The following TRH variants were observed in gnomAD, a reference collection of about 807,000 sequenced individuals.
The protein encoded by TRH is thyrotropin releasing hormone.
TRH carries 5 observed loss-of-function variants against 5.2 expected under a neutral mutation model. The ratio of observed to expected loss-of-function variants is 0.95; its 90% CI spans 0.50 to 2.00. The LOEUF (loss-of-function observed/expected upper bound fraction) is 2.00, where lower values mean the gene tolerates loss of function less well. Among genes scored for constraint, TRH ranks in the 30% most tolerant of loss-of-function variants. The pLI is 0.01. For missense variants in TRH, 318 were observed against 312.8 expected, an observed-to-expected ratio of 1.02 and a Z score of -0.13; for synonymous variants, 131 against 128.6, an observed-to-expected ratio of 1.02 and a Z score of -0.13.
chr3:129,976,013 A>C lies in TRH; in HGVS notation c.197A>C (p.Gln66Pro), dbSNP rs749920654. Residue 66 changes from glutamine to proline, a missense_variant, in exon 2 of 3, where the codon CAG becomes CCG. Coordinates refer to ENST00000302649, the MANE Select transcript of TRH (RefSeq NM_007117.5). ...RENIQRLQGD[Q>P]GEHSASQIFQ... ...AACATCCAGCGGCTGCAAGGGGACC[A>C]GGGTGAGCACTCCGGTGAGTGGATG... 1 of 1,614,054 alleles carries C rather than the reference A, an allele frequency of 6.2e-7. No homozygotes were observed. Among genetic ancestry groups the C allele is most frequent in the South Asian group, 1.1e-5 (1 of 91,068 alleles).
chr3:129,975,149 C>G (rs1043697282), intron 1 of TRH, among the ~76,000 whole-genome samples: 2 of 152,130 alleles, frequency 1.3e-5, no homozygotes, highest in Admixed American at 6.5e-5. Flanking sequence ...GCCTGAGAAC[C>G]TGGGAGTTCG....
At chr3:129,976,102 AG>A (rs1170838713) in intron 2 of TRH, 75 bp downstream of exon 2, 15 of 1,516,494 alleles carry the variant, frequency 9.9e-6, no homozygotes, top group Non-Finnish European at 1.3e-5. Flanking sequence ...GGCAAAGGGG[AG>A]GGGAGGCTTG....
At position 129,977,479 on chromosome 3, in the gene TRH, C is replaced by T. The variant is rs923070897; in HGVS notation, c.*263C>T. ...AGGGGGCAGATCCCAGAGCCCCTCTCACCCCCCCCACCACAGGCCTGCTCC... is the reference window on the plus strand; with the variant it reads ...AGGGGGCAGATCCCAGAGCCCCTCTTACCCCCCCCACCACAGGCCTGCTCC... On this transcript the variant is annotated 3_prime_UTR_variant, in exon 3 of 3. Transcript: ENST00000302649. The T allele has an allele frequency of 1.8e-5, 6 of 342,686 alleles. No homozygotes were observed. Among genetic ancestry groups the T allele is most frequent in the African/African-American group, 8.4e-5 (4 of 47,808 alleles). The allele number at this position is 342,686 out of a possible 1,614,324, so 21.2% of individuals were successfully genotyped here. A position where few individuals can be genotyped will look rare whatever the true frequency, so the allele number is the denominator to read the frequency against.
intron 1 of TRH, among the ~76,000 whole-genome samples, chr3:129,975,523 C>T (rs2062537447): frequency 6.6e-6 from 1 of 152,132 alleles, no homozygotes; most frequent in African/African-American, 2.4e-5. Flanking sequence ...TGAAGGGTGG[C>T]GGTGGCGCTG....
intron 1 of TRH, 33 bp from the exon 2 acceptor site, chr3:129,975,776 G>C (rs753691969): frequency 6.4e-7 from 1 of 1,550,700 alleles, no homozygotes; most frequent in African/African-American, 1.4e-5. Context: ...CTGTGATTCG[G>C]TGCGCTCAGG....
chr3:129,975,092 C>T (rs557938273), intron 1 of TRH, among the ~76,000 whole-genome samples: 22 of 152,234 alleles, frequency 1.4e-4, no homozygotes, highest in African/African-American at 5.3e-4. Flanking sequence ...CTCCGCGGCA[C>T]CCCCTGCCTG....
rs1400157654 is a variant in TRH at position 129,977,343 on chromosome 3, C to T, written c.*127C>T. Reference sequence around the variant, plus strand: ...ATAAGCCTGAGCCCCTCCCTCCCAGCCCCATATTCACACACATCCCAGCCC... The same window carrying T: ...ATAAGCCTGAGCCCCTCCCTCCCAGTCCCATATTCACACACATCCCAGCCC... On this transcript the variant is annotated 3_prime_UTR_variant, in exon 3 of 3. Coordinates refer to ENST00000302649, the MANE Select transcript of TRH (RefSeq NM_007117.5). 5 of 1,247,158 alleles carry T rather than the reference C, an allele frequency of 4.0e-6. No homozygotes were observed. The highest frequency in any genetic ancestry group is 4.2e-6 in the Non-Finnish European group (4 of 955,684). The allele number at this position is 1,247,158 out of a possible 1,614,324, so 77.3% of individuals were successfully genotyped here. A position where few individuals can be genotyped will look rare whatever the true frequency, so the allele number is the denominator to read the frequency against.
chr3:129,977,533 C>G lies in TRH; in HGVS notation c.*317C>G. 4.4e-6 allele frequency: 1 copy of G among 226,050 alleles called. No individual in the cohort carries two copies. The highest frequency in any genetic ancestry group is 8.6e-6 in the Non-Finnish European group (1 of 115,634). 14.0% of individuals were successfully genotyped at this position (226,050 alleles called of 1,614,324 possible). A position where few individuals can be genotyped will look rare whatever the true frequency, so the allele number is the denominator to read the frequency against. ...CTTAGCCTTGGCTAAGATGGTCCTTCTGTGTCTTGCAAAGACTCCCCAAGT... is the reference window on the plus strand; with the variant it reads ...CTTAGCCTTGGCTAAGATGGTCCTTGTGTGTCTTGCAAAGACTCCCCAAGT... On this transcript the variant is annotated 3_prime_UTR_variant, in exon 3 of 3. Transcript: ENST00000302649.
intron 2 of TRH, 128 bp downstream of exon 2, chr3:129,976,155 C>T: frequency 1.8e-6 from 2 of 1,127,108 alleles, no homozygotes; most frequent in Non-Finnish European, 1.3e-6. Flanking sequence ...GAAACCCTCC[C>T]TGGCTGCGCC....
At position 129,976,971 on chromosome 3, in the gene TRH, A is replaced by G. The variant is rs781172913; in HGVS notation, c.484A>G (p.Lys162Glu). The change falls in exon 3 of 3, where the codon AAG (lysine) becomes GAG (glutamate). Residue 162 changes from lysine (K) to glutamate (E), a missense_variant. Lys to Glu is a moderately conservative substitution (Grantham distance 56, BLOSUM62 1). Coordinates refer to ENST00000302649, the MANE Select transcript of TRH (RefSeq NM_007117.5). Reference sequence around the variant, plus strand: ...CCCAGGCAGAAGGCTGGCAGATCCCAAGGCTCAAAGGAGCTGGGAAGAAGA... The same window carrying G: ...CCCAGGCAGAAGGCTGGCAGATCCCGAGGCTCAAAGGAGCTGGGAAGAAGA... ...QHPGRRLADP[K>E]AQRSWEEEEE... 1 of 1,613,768 alleles carries G rather than the reference A, an allele frequency of 6.2e-7. No individual in the cohort carries two copies. Among genetic ancestry groups the G allele is most frequent in the Non-Finnish European group, 8.5e-7 (1 of 1,179,916 alleles).
Position 129,977,453 on chromosome 3 carries a change from A to G in TRH, c.*237A>G, listed in dbSNP as rs1339517115. The G allele has an allele frequency of 4.9e-6, 2 of 404,770 alleles. No homozygotes were observed. The highest frequency in any genetic ancestry group is 2.0e-5 in the African/African-American group (1 of 49,128). The allele number at this position is 404,770 out of a possible 1,614,324, so 25.1% of individuals were successfully genotyped here. ...CTTTCCTCCACTTAGCACCATAGGC[A>G]AGGGGGCAGATCCCAGAGCCCCTCT... On this transcript the variant is annotated 3_prime_UTR_variant, in exon 3 of 3. Coordinates refer to ENST00000302649, the MANE Select transcript of TRH (RefSeq NM_007117.5).
At position 129,976,764 on chromosome 3, in the gene TRH, G is replaced by C. The variant is rs2062546187; in HGVS notation, c.277G>C (p.Glu93Gln). 7 of 1,614,092 alleles carry C rather than the reference G, an allele frequency of 4.3e-6. No individual in the cohort carries two copies. The highest frequency in any genetic ancestry group is 5.1e-6 in the Non-Finnish European group (6 of 1,180,018). Residue 93 changes from glutamate (E) to glutamine (Q), a missense_variant, in exon 3 of 3, where the codon GAG (glutamate) becomes CAG (glutamine). By Grantham distance (29) the Glu-to-Gln change is conservative (BLOSUM62 2). Transcript: ENST00000302649. ...GCATCCAGGCAAAAGAGAGGAGGAGGAGGAAGAGGGAGTTGAAGAAGAGGA... is the reference window on the plus strand; with the variant it reads ...GCATCCAGGCAAAAGAGAGGAGGAGCAGGAAGAGGGAGTTGAAGAAGAGGA... Reference protein sequence around the residue: ...RQHPGKREEEEEEGVEEEEEE... With the variant: ...RQHPGKREEEQEEGVEEEEEE...
rs188786112 is a variant in TRH, at chr3:129,976,490, C to A, written c.212-209C>A. Among the ~76,000 whole-genome samples, 369 of 152,304 alleles carry A rather than the reference C, an allele frequency of 2.4e-3. 1 individual carries two copies. Among genetic ancestry groups the A allele is most frequent in the Non-Finnish European group, 4.3e-3 (291 of 68,030 alleles). ...TTATGGTCAGACAACTAGGGAGCGC[C>A]AGAGCTGGGATTGGAACCCAGAGGC... On this transcript the variant is annotated intron_variant, in intron 2 of 2. Coordinates refer to ENST00000302649, the MANE Select transcript of TRH (RefSeq NM_007117.5).
intron 2 of TRH, among the ~76,000 whole-genome samples, chr3:129,976,450 G>A (rs572960088): frequency 5.3e-5 from 8 of 152,226 alleles, no homozygotes; most frequent in Non-Finnish European, 7.3e-5. Context: ...GGCTCCCAGA[G>A]ATCAATTGAG....
Position 129,976,881 on chromosome 3 carries a change from C to T in TRH, c.394C>T (p.His132Tyr). Residue 132 changes from histidine to tyrosine, a missense_variant, in exon 3 of 3, where the codon CAC becomes TAC. Coordinates refer to ENST00000302649, the MANE Select transcript of TRH (RefSeq NM_007117.5). ...TTCATGGTCAGTCGATGTAACCCAG[C>T]ACAAGCGGCAGCATCCTGGCCGGCG... Reference protein sequence around the residue: ...EASWSVDVTQHKRQHPGRRSP... With the variant: ...EASWSVDVTQYKRQHPGRRSP... The T allele has an allele frequency of 6.2e-7, 1 of 1,613,778 alleles. No individual in the cohort carries two copies. The highest frequency in any genetic ancestry group is 1.1e-5 in the South Asian group (1 of 91,070).
intron 1 of TRH, among the ~76,000 whole-genome samples, chr3:129,975,393 G>T (rs575811544): frequency 6.6e-6 from 1 of 152,254 alleles, no homozygotes; most frequent in Non-Finnish European, 1.5e-5. Flanking sequence ...GGGGACCTTT[G>T]GGGGAGTCTT....
At chr3:129,975,720 C>T in intron 1 of TRH, 89 bp from the exon 2 acceptor site, 1 of 1,351,292 alleles carries the variant, frequency 7.4e-7, no homozygotes. Context: ...TTGAACTGTG[C>T]GTGGTTTGTT....
rs2062540843 is a variant in TRH at position 129,975,934 on chromosome 3, C to A, written c.118C>A (p.Pro40Thr). The change falls in exon 2 of 3, where the codon CCG (proline) becomes ACG (threonine). Residue 40 changes from proline to threonine, a missense_variant. Physicochemically the swap from Pro to Thr is conservative, Grantham distance 38. Transcript: ENST00000302649. ...QQEAVTAAEH[P>T]GLDDFLRQVE... Reference sequence around the variant, plus strand: ...GGAGGCAGTGACGGCCGCGGAGCATCCGGGCCTGGATGACTTCCTGCGCCA... The same window carrying A: ...GGAGGCAGTGACGGCCGCGGAGCATACGGGCCTGGATGACTTCCTGCGCCA... 1 of 1,613,776 alleles carries A rather than the reference C, an allele frequency of 6.2e-7. No homozygotes were observed. The highest frequency in any genetic ancestry group is 8.5e-7 in the Non-Finnish European group (1 of 1,179,918).
intron 1 of TRH, among the ~76,000 whole-genome samples, chr3:129,975,350 C>T (rs1213190161): frequency 6.6e-6 from 1 of 152,162 alleles, no homozygotes; most frequent in Non-Finnish European, 1.5e-5. Flanking sequence ...ATGAGGACGT[C>T]GGCCACGGAG....
Sources: gnomAD v4.1 joint callset for allele counts (sites outside exome capture counted in the v4.1 genomes callset) on GRCh38, gnomAD v4.1.1 for gene constraint, MANE v1.5 for transcripts, NCBI Gene and HGNC (gene_info 2026-07-23, HGNC 2026-07-21) for gene names.